The following TRDN variants were observed in gnomAD, a reference collection of about 807,000 sequenced individuals.
TRDN encodes the protein triadin in skeletal muscle.
A neutral mutation model predicts 149.7 loss-of-function variants in TRDN; 161 were observed. The ratio of observed to expected loss-of-function variants is 1.08; its 90% CI spans 0.95 to 1.23. The LOEUF is 1.23. TRDN is among the 50% of genes most tolerant of loss of function. The probability of loss-of-function intolerance (pLI) is 0.00; values close to 1 mark genes in which losing one functional copy is unlikely to be tolerated. For missense variants in TRDN, 896 were observed against 823.5 expected (o/e 1.09, Z -1.08); for synonymous variants, 294 against 250.5 (o/e 1.17, Z -1.64).
chr6:123,286,454 C>T (rs901290991), intron 24 of TRDN, among the ~76,000 whole-genome samples: 1 of 152,032 alleles, frequency 6.6e-6, no homozygotes, highest in Non-Finnish European at 1.5e-5. Context: ...TATGTTCTCA[C>T]TCATGAGTGA....
chr6:123,239,938 T>C (rs1358110868), intron 38 of TRDN, among the ~76,000 whole-genome samples: 3 of 152,058 alleles, frequency 2.0e-5, no homozygotes, highest in African/African-American at 7.2e-5. Context: ...TAATATACTA[T>C]ATATGGCAGT....
intron 38 of TRDN, among the ~76,000 whole-genome samples, chr6:123,236,983 G>A (rs758840332): frequency 7.9e-5 from 12 of 151,716 alleles, no homozygotes; most frequent in Non-Finnish European, 1.6e-4. Context: ...ATTATAGATC[G>A]ATTTGGGGAG....
At chr6:123,445,904 A>G (rs1775311678) in intron 10 of TRDN, among the ~76,000 whole-genome samples, 1 of 139,398 alleles carries the variant, frequency 7.2e-6, no homozygotes, top group South Asian at 2.2e-4. Flanking sequence ...CCAAAGGACT[A>G]TAAATCATGC....
chr6:123,248,399 A>G (rs944542169), intron 38 of TRDN, among the ~76,000 whole-genome samples: 1 of 151,992 alleles, frequency 6.6e-6, no homozygotes, highest in Non-Finnish European at 1.5e-5. Context: ...TCTACTGAAC[A>G]TACAAAAATT....
At chr6:123,279,030 G>T (rs1451419784) in intron 25 of TRDN, 26 bp downstream of exon 25, 2 of 1,599,396 alleles carry the variant, frequency 1.3e-6, no homozygotes, top group African/African-American at 1.3e-5. Context: ...GTACGTGTTT[G>T]TTTATTGAGC....
intron 23 of TRDN, among the ~76,000 whole-genome samples, chr6:123,322,613 TTTATTATTATTA>T (rs139658634): frequency 0.11 from 15,100 of 140,936 alleles, 942 homozygotes; most frequent in South Asian, 0.23. Flanking sequence ...TTTTTTAAAA[TTTATTATTATTA>T]TTATTATTAT....
intron 1 of TRDN, among the ~76,000 whole-genome samples, chr6:123,615,429 A>G (rs143100706): frequency 1.5e-4 from 23 of 152,102 alleles, no homozygotes; most frequent in African/African-American, 5.6e-4. Context: ...TGAAGAAAGC[A>G]AATGTGGTGT....
At chr6:123,570,348 A>T (rs993816339) in intron 2 of TRDN, among the ~76,000 whole-genome samples, 10 of 152,194 alleles carry the variant, frequency 6.6e-5, no homozygotes, top group African/African-American at 2.4e-4. Flanking sequence ...ACAGTTTAAA[A>T]TATGTAAAAT....
chr6:123,537,887 A>T (rs1162320769), intron 4 of TRDN, among the ~76,000 whole-genome samples: 2 of 152,230 alleles, frequency 1.3e-5, no homozygotes, highest in Non-Finnish European at 2.9e-5. Flanking sequence ...ACTTATGATC[A>T]TACCAAAGCT....
At chr6:123,628,231 G>A (rs1455548385) in intron 1 of TRDN, among the ~76,000 whole-genome samples, 2 of 151,928 alleles carry the variant, frequency 1.3e-5, no homozygotes, top group Non-Finnish European at 2.9e-5. Flanking sequence ...GTAAAGATAT[G>A]CAACTCTTCC....
At chr6:123,343,162 C>T (rs1205490310) in intron 21 of TRDN, among the ~76,000 whole-genome samples, 1 of 151,882 alleles carries the variant, frequency 6.6e-6, no homozygotes, top group Non-Finnish European at 1.5e-5. Flanking sequence ...CAATGTTTAC[C>T]TCACATTTTA....
chr6:123,273,640 C>T (rs1448504962), intron 27 of TRDN, among the ~76,000 whole-genome samples: 1 of 151,778 alleles, frequency 6.6e-6, no homozygotes, highest in East Asian at 1.9e-4. Context: ...TGTTATGATC[C>T]TTAATATATT....
intron 23 of TRDN, among the ~76,000 whole-genome samples, chr6:123,331,428 G>T (rs917847775): frequency 3.9e-5 from 6 of 152,096 alleles, no homozygotes; most frequent in Admixed American, 3.3e-4. Flanking sequence ...CAAGAGGATT[G>T]GACTACAGTT....
chr6:123,321,633 C>A (rs1196950931), intron 23 of TRDN, among the ~76,000 whole-genome samples: 1 of 152,038 alleles, frequency 6.6e-6, no homozygotes, highest in Non-Finnish European at 1.5e-5. Flanking sequence ...TGCACACACA[C>A]ACACTCACAC....
At chr6:123,464,521 A>G (rs2114707571) in intron 10 of TRDN, 3 of 1,001,924 alleles carry the variant, frequency 3.0e-6, no homozygotes, top group South Asian at 4.4e-5. Context: ...CAAAGCTAGG[A>G]AAAGGTGGAG....
At chr6:123,623,264 C>T (rs553540163) in intron 1 of TRDN, among the ~76,000 whole-genome samples, 1 of 152,054 alleles carries the variant, frequency 6.6e-6, no homozygotes, top group East Asian at 1.9e-4. Flanking sequence ...TCTCACCAAT[C>T]CAAATCCCCT....
intron 12 of TRDN, among the ~76,000 whole-genome samples, chr6:123,407,556 T>G (rs1773246984): frequency 6.6e-6 from 1 of 152,180 alleles, no homozygotes; most frequent in Non-Finnish European, 1.5e-5. Context: ...TCTCTCCTCC[T>G]AAGCTGCACA....
chr6:123,459,401 T>C (rs1776321394), intron 10 of TRDN, among the ~76,000 whole-genome samples: 1 of 152,146 alleles, frequency 6.6e-6, no homozygotes, highest in African/African-American at 2.4e-5. Flanking sequence ...ACATACATCA[T>C]TTTACAGAGT....
chr6:123,511,972 T>C (rs913905479), intron 7 of TRDN, among the ~76,000 whole-genome samples: 2 of 148,602 alleles, frequency 1.3e-5, no homozygotes, highest in Non-Finnish European at 3.0e-5. Context: ...TTTAGAACAA[T>C]CTTCACTGCC....
Sources: gnomAD v4.1 joint callset for allele counts (sites outside exome capture counted in the v4.1 genomes callset) on GRCh38, gnomAD v4.1.1 for gene constraint, MANE v1.5 for transcripts, NCBI Gene and HGNC (gene_info 2026-07-23, HGNC 2026-07-21) for gene names.